Variants in IMMP2L observed in about 807,000 individuals in gnomAD.
IMMP2L encodes the protein inner mitochondrial membrane peptidase subunit 2, also known as mitochondrial inner membrane protease subunit 2.
A neutral mutation model predicts 19.3 loss-of-function variants in IMMP2L; 18 were observed. The ratio of observed to expected loss-of-function variants is 0.93; its 90% CI spans 0.64 to 1.38. The LOEUF (loss-of-function observed/expected upper bound fraction) is 1.38. Among genes scored for constraint, IMMP2L ranks in the 40% most tolerant of loss-of-function variants. The pLI is 0.00. For synonymous variants in IMMP2L, 76 were observed against 73.0 expected, an observed-to-expected ratio of 1.04 and a Z score of -0.21; for missense variants, 233 against 218.2, an observed-to-expected ratio of 1.07 and a Z score of -0.43.
chr7:111,203,727 G>T (rs962292531), intron 3 of IMMP2L, among the ~76,000 whole-genome samples: 13 of 151,546 alleles, frequency 8.6e-5, no homozygotes, highest in African/African-American at 2.4e-4. Context: ...AGGGACATAG[G>T]TTTGATACAA....
intron 4 of IMMP2L, among the ~76,000 whole-genome samples, chr7:110,933,770 G>C (rs1563091861): frequency 6.6e-6 from 1 of 152,102 alleles, no homozygotes; most frequent in Non-Finnish European, 1.5e-5. Flanking sequence ...AGAAAGTACA[G>C]ATTTTCCCTT....
intron 2 of IMMP2L, among the ~76,000 whole-genome samples, chr7:111,517,067 G>A (rs1041379128): frequency 6.6e-6 from 1 of 151,708 alleles, no homozygotes; most frequent in East Asian, 1.9e-4. Flanking sequence ...TAAGTTACAA[G>A]CAATAATGAC....
intron 4 of IMMP2L, among the ~76,000 whole-genome samples, chr7:110,890,976 TAC>T (rs999046653): frequency 5.9e-5 from 9 of 151,918 alleles, no homozygotes; most frequent in African/African-American, 2.2e-4. Flanking sequence ...CAAATACATA[TAC>T]ACACACACAC....
intron 3 of IMMP2L, among the ~76,000 whole-genome samples, chr7:111,363,122 GC>G (rs1323054323): frequency 6.6e-6 from 1 of 151,844 alleles, no homozygotes; most frequent in Admixed American, 6.6e-5. Context: ...GCAAGCCAAA[GC>G]CCATTCACAG....
chr7:110,813,607 C>T lies in IMMP2L; in HGVS notation c.408+72986G>A, dbSNP rs17157998. On this transcript the variant is annotated intron_variant, in intron 5 of 5. Coordinates refer to ENST00000405709, the MANE Select transcript of IMMP2L (RefSeq NM_032549.4). Reference sequence around the variant, plus strand: ...CACACCTGGCCTATTTTTTCTAACACGCCTGGCCTAAAATATTGTTTAATC... The same window carrying T: ...CACACCTGGCCTATTTTTTCTAACATGCCTGGCCTAAAATATTGTTTAATC... Among the ~76,000 whole-genome samples the T allele has an allele frequency of 6.2e-3, 940 of 151,726 alleles. 4 individuals carry two copies. The highest frequency in any genetic ancestry group is 9.5e-3 in the Non-Finnish European group (642 of 67,868).
intron 5 of IMMP2L, among the ~76,000 whole-genome samples, chr7:110,787,177 G>C (rs1800139336): frequency 1.3e-5 from 2 of 151,962 alleles, no homozygotes; most frequent in South Asian, 4.1e-4. Flanking sequence ...TCTTTTATTT[G>C]AGAATCTGAA....
At chr7:110,776,414 G>A (rs1160869155) in intron 5 of IMMP2L, among the ~76,000 whole-genome samples, 2 of 151,966 alleles carry the variant, frequency 1.3e-5, no homozygotes, top group East Asian at 3.9e-4. Flanking sequence ...TAGTCAAATA[G>A]CACACTAGGT....
chr7:110,877,871 C>A lies in IMMP2L; in HGVS notation c.408+8722G>T, dbSNP rs150114024. 1.3e-5 allele frequency among the ~76,000 whole-genome samples: 2 copies of A among 152,114 alleles called. No individual in the cohort carries two copies. Among genetic ancestry groups the A allele is most frequent in the East Asian group, 3.9e-4 (2 of 5,174 alleles). On this transcript the variant is annotated intron_variant, in intron 5 of 5. Transcript: ENST00000405709. This position sits in a 1 kb window ranked among gnomAD's most constrained non-coding sequence, Gnocchi z 4.0. ...TAAAAAACTAACACCATTAAGGACC[C>A]AGACATATGTTTTTCCATATATTTT...
intron 3 of IMMP2L, among the ~76,000 whole-genome samples, chr7:110,999,288 C>A (rs1034067459): frequency 5.5e-5 from 8 of 145,348 alleles, no homozygotes; most frequent in South Asian, 2.2e-4. Context: ...CTACTATTTT[C>A]TTGTTAATTT....
At chr7:111,488,732 G>A (rs1450920347) in intron 2 of IMMP2L, among the ~76,000 whole-genome samples, 1 of 152,064 alleles carries the variant, frequency 6.6e-6, no homozygotes, top group Non-Finnish European at 1.5e-5. Context: ...GCTAGGGACT[G>A]CTGGATCAAA....
At chr7:110,992,462 T>C (rs1021088223) in intron 3 of IMMP2L, among the ~76,000 whole-genome samples, 2 of 151,982 alleles carry the variant, frequency 1.3e-5, no homozygotes, top group African/African-American at 2.4e-5. Context: ...TAATAATGCA[T>C]CAATAATGCT....
chr7:110,869,316 C>T (rs1808310124), intron 5 of IMMP2L, among the ~76,000 whole-genome samples: 1 of 151,966 alleles, frequency 6.6e-6, no homozygotes, highest in Non-Finnish European at 1.5e-5. Context: ...AAAACTCAAC[C>T]AATAAAAGGG....
At chr7:110,814,538 T>C (rs547827555) in intron 5 of IMMP2L, among the ~76,000 whole-genome samples, 1 of 151,020 alleles carries the variant, frequency 6.6e-6, no homozygotes, top group South Asian at 2.1e-4. Context: ...CACAAACCAA[T>C]AAACTGTTTT....
In IMMP2L at chr7:111,539,212, A is replaced by AGGAAGG. The variant is rs879550080; in HGVS notation, c.-2-17764_-2-17763insCCTTCC. Reference sequence around the variant, plus strand: ...GGAAGGAGGGAGAAAGAAAGAAAGAAAGAAAGAAAGAAAGAAAGAAAGAAA... The same window carrying AGGAAGG: ...GGAAGGAGGGAGAAAGAAAGAAAGAAGGAAGGAGAAAGAAAGAAAGAAAGAAAGAAA... On this transcript the variant is annotated intron_variant, in intron 1 of 5. Coordinates refer to ENST00000405709, the MANE Select transcript of IMMP2L (RefSeq NM_032549.4). Among the ~76,000 whole-genome samples, 42 of 74,470 alleles carry AGGAAGG rather than the reference A, an allele frequency of 5.6e-4. 4 individuals are homozygous for AGGAAGG. Among genetic ancestry groups the AGGAAGG allele is most frequent in the Admixed American group, 7.8e-4 (6 of 7,740 alleles). 48.9% of individuals were successfully genotyped at this position (74,470 alleles called of 152,430 possible). A position where few individuals can be genotyped will look rare whatever the true frequency, so the allele number is the denominator to read the frequency against.
intron 3 of IMMP2L, among the ~76,000 whole-genome samples, chr7:111,018,235 TTCATTAAAA>T (rs1825904029): frequency 1.3e-5 from 2 of 152,248 alleles, no homozygotes; most frequent in African/African-American, 4.8e-5. Context: ...ACCCCAGGTG[TTCATTAAAA>T]TCACCTGGCA....
chr7:111,047,209 A>G (rs1490136701), intron 3 of IMMP2L, among the ~76,000 whole-genome samples: 1 of 150,326 alleles, frequency 6.7e-6, no homozygotes, highest in African/African-American at 2.5e-5. Flanking sequence ...TTTTTTTGAG[A>G]CAGAGTTTCA....
intron 3 of IMMP2L, among the ~76,000 whole-genome samples, chr7:111,073,904 T>C (rs933058878): frequency 7.9e-5 from 12 of 152,328 alleles, no homozygotes; most frequent in Non-Finnish European, 1.3e-4. Flanking sequence ...TTGGGATAAA[T>C]TGTTGCATAT....
chr7:110,976,975 A>C (rs1820763610), intron 3 of IMMP2L, among the ~76,000 whole-genome samples: 1 of 152,006 alleles, frequency 6.6e-6, no homozygotes, highest in South Asian at 2.1e-4. Flanking sequence ...ATCTACAACT[A>C]GTATGAAGCA....
At chr7:111,007,729 ATG>A (rs146758481) in intron 3 of IMMP2L, among the ~76,000 whole-genome samples, 4 of 151,206 alleles carry the variant, frequency 2.6e-5, no homozygotes, top group South Asian at 2.1e-4. Context: ...ATATATATGC[ATG>A]TGTGTGTGTG....
Sources: gnomAD v4.1 joint callset for allele counts (sites outside exome capture counted in the v4.1 genomes callset) on GRCh38, gnomAD v4.1.1 for gene constraint, Gnocchi (gnomAD v3.1) non-coding constraint, MANE v1.5 for transcripts, NCBI Gene and HGNC (gene_info 2026-07-23, HGNC 2026-07-21) for gene names.